Variants in NKAIN3 observed in about 807,000 individuals in gnomAD.
NKAIN3 encodes the protein sodium/potassium transporting ATPase interacting 3, also known as sodium/potassium-transporting ATPase subunit beta-1-interacting protein 3.
A neutral mutation model predicts 30.2 loss-of-function variants in NKAIN3; 25 were observed. The observed-to-expected ratio is 0.83, with a 90% CI of 0.60 to 1.16. The LOEUF is 1.16. NKAIN3 is among the 50% of genes most tolerant of loss of function. NKAIN3 has a pLI of 0.00. For missense variants in NKAIN3, 225 were observed against 254.1 expected (o/e 0.89, Z 0.78); for synonymous variants, 91 against 89.6 (o/e 1.02, Z -0.09).
rs372765976 is a variant in NKAIN3, at chr8:62,886,145, A to G, written c.472-32308A>G. On this transcript the variant is annotated intron_variant, in intron 4 of 6. Transcript: ENST00000623646. The stretch of plus-strand genomic sequence containing the variant: ...TTTATTCTCCTTTCTTATCAGATCA[A>G]TTATACTTTCTTTAACTTTTTTTTT... 5.3e-5 allele frequency among the ~76,000 whole-genome samples: 8 copies of G among 151,810 alleles called. No homozygotes were observed. The East Asian group carries it at 9.7e-4, about 18-fold the overall frequency.
intron 4 of NKAIN3, among the ~76,000 whole-genome samples, chr8:62,801,732 G>A (rs557070269): frequency 5.8e-4 from 88 of 152,332 alleles, no homozygotes; most frequent in Middle Eastern, 6.8e-3. Flanking sequence ...CCAAAGGAAC[G>A]CAGTTCCTCA....
intron 1 of NKAIN3, among the ~76,000 whole-genome samples, chr8:62,330,937 C>T (rs1338901925): frequency 6.6e-6 from 1 of 151,894 alleles, no homozygotes; most frequent in Non-Finnish European, 1.5e-5. Flanking sequence ...GGACACAGTC[C>T]ACATGCTTTG....
chr8:62,384,280 T>A (rs1269527749), intron 1 of NKAIN3, among the ~76,000 whole-genome samples: 2 of 152,170 alleles, frequency 1.3e-5, no homozygotes, highest in Non-Finnish European at 2.9e-5. Flanking sequence ...GTGCAGTAGT[T>A]AATATAGTTA....
At chr8:62,425,681 TGAGA>T (rs1222556564) in intron 1 of NKAIN3, among the ~76,000 whole-genome samples, 1 of 151,890 alleles carries the variant, frequency 6.6e-6, no homozygotes, top group African/African-American at 2.4e-5. Context: ...GTATATATGC[TGAGA>T]GAGTAGTTAA....
intron 1 of NKAIN3, among the ~76,000 whole-genome samples, chr8:62,520,286 G>A (rs1808116148): frequency 6.6e-6 from 1 of 151,848 alleles, no homozygotes; most frequent in South Asian, 2.1e-4. Flanking sequence ...TGATACTTAG[G>A]GAAGTATAAT....
intron 4 of NKAIN3, among the ~76,000 whole-genome samples, chr8:62,785,304 T>C (rs938767908): frequency 6.6e-6 from 1 of 152,154 alleles, no homozygotes; most frequent in African/African-American, 2.4e-5. Context: ...ACATTATAAG[T>C]TAAAGAAACC....
At chr8:62,501,264 T>C (rs1261931980) in intron 1 of NKAIN3, among the ~76,000 whole-genome samples, 1 of 152,152 alleles carries the variant, frequency 6.6e-6, no homozygotes, top group Non-Finnish European at 1.5e-5. Flanking sequence ...CATGAGTAGC[T>C]ACTGGGGGCC....
intron 1 of NKAIN3, among the ~76,000 whole-genome samples, chr8:62,353,230 C>T (rs1432960156): frequency 6.6e-6 from 1 of 152,168 alleles, no homozygotes; most frequent in Non-Finnish European, 1.5e-5. Flanking sequence ...AAAAATAAGC[C>T]AACTCTAAGA....
intron 3 of NKAIN3, among the ~76,000 whole-genome samples, chr8:62,639,048 G>GA (rs1471269560): frequency 2.6e-5 from 4 of 151,984 alleles, no homozygotes; most frequent in African/African-American, 7.2e-5. Context: ...CTCAAAATTA[G>GA]AAAAAAAGAA....
intron 1 of NKAIN3, among the ~76,000 whole-genome samples, chr8:62,547,709 A>T (rs1381035203): frequency 6.6e-6 from 1 of 152,182 alleles, no homozygotes; most frequent in Non-Finnish European, 1.5e-5. Context: ...CAGCATTTAG[A>T]TATCAAGTGT....
At chr8:62,661,165 T>C (rs908844310) in intron 3 of NKAIN3, among the ~76,000 whole-genome samples, 2 of 152,210 alleles carry the variant, frequency 1.3e-5, no homozygotes, top group African/African-American at 4.8e-5. Context: ...CCAGGCTGAT[T>C]ATCTTCACTT....
chr8:62,353,171 A>G (rs1816234495), intron 1 of NKAIN3, among the ~76,000 whole-genome samples: 1 of 152,238 alleles, frequency 6.6e-6, no homozygotes, highest in South Asian at 2.1e-4. Flanking sequence ...TTAGTCATGC[A>G]GTGGTACATA....
rs907715161 is a variant in NKAIN3, at chr8:62,983,138, A to G, written c.*17731A>G. 1.1e-4 allele frequency: 17 copies of G among 152,336 alleles called. No individual in the cohort carries two copies. Among genetic ancestry groups the G allele is most frequent in the African/African-American group, 3.6e-4 (15 of 41,554 alleles). 9.4% of individuals were successfully genotyped at this position (152,336 alleles called of 1,614,324 possible). ...CCTTCGTGCCACACTACTTGCCAGT[A>G]TCCACTGGGAGACAAATTATGATTG... On this transcript the variant is annotated 3_prime_UTR_variant, in exon 7 of 7. Coordinates refer to ENST00000623646, the MANE Select transcript of NKAIN3 (RefSeq NM_001304533.3).
At chr8:62,805,326 A>T (rs1238240335) in intron 4 of NKAIN3, among the ~76,000 whole-genome samples, 1 of 151,878 alleles carries the variant, frequency 6.6e-6, no homozygotes, top group Non-Finnish European at 1.5e-5. Flanking sequence ...GGAACCAAAA[A>T]AGAGCCCGCA....
intron 4 of NKAIN3, among the ~76,000 whole-genome samples, chr8:62,869,654 T>G (rs1323325914): frequency 1.3e-5 from 2 of 152,164 alleles, no homozygotes; most frequent in African/African-American, 4.8e-5. Flanking sequence ...GCTTGCTGGG[T>G]CTACTTGCAC....
Position 62,943,699 on chromosome 8 carries a change from G to A in NKAIN3, c.533-10203G>A, listed in dbSNP as rs559030736. 6.4e-4 allele frequency among the ~76,000 whole-genome samples: 95 copies of A among 148,776 alleles called. 1 individual carries two copies. In the East Asian group the frequency reaches 0.016, roughly 25 times the overall value. On this transcript the variant is annotated intron_variant, in intron 5 of 6. Coordinates refer to ENST00000623646, the MANE Select transcript of NKAIN3 (RefSeq NM_001304533.3). ...GGCATATATTTATATGTGTGTGTGT[G>A]TATATATATAAAGAAAATTTTTTAA...
At chr8:62,619,747 G>T (rs374166852) in intron 3 of NKAIN3, among the ~76,000 whole-genome samples, 8 of 150,638 alleles carry the variant, frequency 5.3e-5, no homozygotes, top group African/African-American at 2.0e-4. Flanking sequence ...CCACTAATGC[G>T]TGTTGGTAAA....
chr8:62,354,908 T>A (rs1163136995), intron 1 of NKAIN3, among the ~76,000 whole-genome samples: 1 of 152,172 alleles, frequency 6.6e-6, no homozygotes, highest in Non-Finnish European at 1.5e-5. Flanking sequence ...CAGGACCTTT[T>A]CCAATGGGTA....
At chr8:62,740,520 C>A (rs952674093) in intron 3 of NKAIN3, among the ~76,000 whole-genome samples, 62 of 152,104 alleles carry the variant, frequency 4.1e-4, no homozygotes, top group African/African-American at 1.2e-3. Context: ...GAAAGCATTA[C>A]ATTTAAATTA....
Sources: gnomAD v4.1 joint callset for allele counts (sites outside exome capture counted in the v4.1 genomes callset) on GRCh38, gnomAD v4.1.1 for gene constraint, MANE v1.5 for transcripts, NCBI Gene and HGNC (gene_info 2026-07-23, HGNC 2026-07-21) for gene names.